Variants in SLC25A25 observed in about 807,000 individuals in gnomAD.
SLC25A25 encodes the protein solute carrier family 25 member 25, also known as mitochondrial adenyl nucleotide antiporter SLC25A25.
Under a neutral mutation model 57.7 loss-of-function variants are expected in SLC25A25, and 32 were observed. The observed-to-expected ratio is 0.55, with a 90% CI of 0.42 to 0.74. SLC25A25 has a LOEUF of 0.74. SLC25A25 is among the 30% of genes least tolerant of loss of function. The pLI, the probability that SLC25A25 is intolerant of heterozygous loss-of-function variation, is 0.00. For synonymous variants in SLC25A25, 306 were observed against 291.2 expected (o/e 1.05, Z -0.52); for missense variants, 556 against 701.3 (o/e 0.79, Z 2.34).
In SLC25A25 at chr9:128,107,312, C is replaced by G; in HGVS notation, c.1416C>G (p.Ile472Met). 1 of 1,558,956 alleles carries G rather than the reference C, an allele frequency of 6.4e-7. No individual in the cohort carries two copies. The highest frequency in any genetic ancestry group is 8.7e-7 in the Non-Finnish European group (1 of 1,147,858). Residue 472 changes from isoleucine (I) to methionine (M), a missense_variant, in exon 11 of 11, where the codon ATC becomes ATG. This residue lies in a region of SLC25A25 where 294 missense variants were observed against 389.6 expected (regional missense o/e 0.75). Transcript: ENST00000373069. ...CCATGAGCAGCCTCTTCAAACATAT[C>G]CTGCGGACCGAGGGGGCCTTCGGGC... is the stretch of plus-strand genomic sequence containing the variant. ...EVTMSSLFKH[I>M]LRTEGAFGLY... is the part of the protein sequence containing the mutation.
intron 1 of SLC25A25, chr9:128,098,634 C>G (rs377289085): frequency 1.9e-6 from 3 of 1,614,114 alleles, no homozygotes; most frequent in Non-Finnish European, 2.5e-6. Context: ...TACTTTGAGT[C>G]GAAGGGGCTC....
intron 6 of SLC25A25, among the ~76,000 whole-genome samples, chr9:128,104,859 AT>A (rs1380527883): frequency 5.5e-5 from 7 of 128,116 alleles, no homozygotes; most frequent in Non-Finnish European, 1.0e-4. Context: ...TATTATTATT[AT>A]TATTATTATA....
At chr9:128,070,965 AAAAAAAAAGAAAG>A (rs1832895014) in intron 1 of SLC25A25, among the ~76,000 whole-genome samples, 1 of 145,786 alleles carries the variant, frequency 6.9e-6, no homozygotes, top group African/African-American at 2.4e-5. Flanking sequence ...AAAAAAAAAA[AAAAAAAAAGAAAG>A]AAAGAAAAGA....
chr9:128,087,547 G>A (rs1833305826), intron 1 of SLC25A25, among the ~76,000 whole-genome samples: 4 of 152,098 alleles, frequency 2.6e-5, no homozygotes, highest in Non-Finnish European at 2.9e-5. Context: ...TCGTTTTTTC[G>A]ATGTTTCTTG....
In SLC25A25 at chr9:128,102,608, C is replaced by T. The variant is rs1451836365; in HGVS notation, c.624+127C>T. On this transcript the variant is annotated intron_variant, in intron 5 of 10. Coordinates refer to ENST00000373069, the MANE Select transcript of SLC25A25 (RefSeq NM_001330988.2). The surrounding 1 kb of genome is among the most constrained non-coding windows in gnomAD (Gnocchi z 4.1). ...ACCTCCTCTTCCACAGGAGACTGTC[C>T]CCTCTTCTGCCAGCCCAGTAGAGCT... 8 of 697,386 alleles carry T rather than the reference C, an allele frequency of 1.1e-5. No individual in the cohort carries two copies. In the East Asian group the frequency reaches 2.2e-4, roughly 19 times the overall value. 43.2% of individuals were successfully genotyped at this position (697,386 alleles called of 1,614,324 possible).
At position 128,068,282 on chromosome 9, in the gene SLC25A25, C is replaced by A. The variant is rs774409556; in HGVS notation, c.-38C>A. 4 of 1,224,156 alleles carry A rather than the reference C, an allele frequency of 3.3e-6. No individual in the cohort carries two copies. The highest frequency in any genetic ancestry group is 3.2e-5 in the African/African-American group (2 of 62,958). The allele number at this position is 1,224,156 out of a possible 1,614,324, so 75.8% of individuals were successfully genotyped here. A position where few individuals can be genotyped will look rare whatever the true frequency, so the allele number is the denominator to read the frequency against. ...GCGGTCACCGCCGGCCCGCCGCCCC[C>A]GCTCCCGCCCGCGCCCGGAGCCCCT... is the stretch of plus-strand genomic sequence containing the variant. On this transcript the variant is annotated 5_prime_UTR_variant, in exon 1 of 11. Transcript: ENST00000373069.
chr9:128,097,883 G>A (rs1029810691), intron 1 of SLC25A25, among the ~76,000 whole-genome samples: 1 of 152,246 alleles, frequency 6.6e-6, no homozygotes, highest in Non-Finnish European at 1.5e-5. Flanking sequence ...GTGGAGGGCT[G>A]CAGGTTCCCT....
At position 128,107,327 on chromosome 9, in the gene SLC25A25, G is replaced by A; in HGVS notation, c.1431G>A (p.Gly477=). Reference sequence around the variant, plus strand: ...TCAAACATATCCTGCGGACCGAGGGGGCCTTCGGGCTGTACAGGGGGCTGG... The same window carrying A: ...TCAAACATATCCTGCGGACCGAGGGAGCCTTCGGGCTGTACAGGGGGCTGG... ...SLFKHILRTE[G]AFGLYRGLAP... Residue 477 remains glycine (G), a synonymous_variant, in exon 11 of 11, where the codon GGG becomes GGA. Transcript: ENST00000373069. The A allele has an allele frequency of 6.5e-7, 1 of 1,546,780 alleles. No homozygotes were observed. Among genetic ancestry groups the A allele is most frequent in the Non-Finnish European group, 8.8e-7 (1 of 1,142,228 alleles).
intron 1 of SLC25A25, chr9:128,098,549 A>C: frequency 6.2e-7 from 1 of 1,606,642 alleles, no homozygotes; most frequent in Non-Finnish European, 8.5e-7. Flanking sequence ...GCAGTGGAGC[A>C]CCCAGCAGGC....
In SLC25A25 at chr9:128,101,316, T is replaced by C. The variant is rs938218396; in HGVS notation, c.396T>C (p.Ile132=). ...KSLDKKNDGR[I]DAQEIMQSLR... ...CGGCCTCTGTTCTTGCAGGACGCAT[T>C]GACGCGCAGGAGATCATGCAGTCCC... is the stretch of plus-strand genomic sequence containing the variant. Residue 132 remains isoleucine, a synonymous_variant, in exon 3 of 11, where the codon ATT becomes ATC. Transcript: ENST00000373069. The surrounding 1 kb of genome is among the most constrained non-coding windows in gnomAD (Gnocchi z 4.9). The C allele has an allele frequency of 1.9e-6, 3 of 1,614,162 alleles. No homozygotes were observed. The highest frequency in any genetic ancestry group is 1.3e-5 in the African/African-American group (1 of 74,954).
At chr9:128,071,155 G>A (rs1026810415) in intron 1 of SLC25A25, among the ~76,000 whole-genome samples, 1 of 152,108 alleles carries the variant, frequency 6.6e-6, no homozygotes, top group Admixed American at 6.5e-5. Flanking sequence ...GAGATTCAAG[G>A]CACATCTGAT....
In SLC25A25 at chr9:128,105,973, TG is replaced by T. The variant is rs1286648375; in HGVS notation, c.936+94del. On this transcript the variant is annotated intron_variant, in intron 7 of 10. Transcript: ENST00000373069. ...TCCCTGGGCTGAGCTCCCTGACACT[TG>T]GAGCCAGCCGTGGTACCCCAGGGAC... is the stretch of plus-strand genomic sequence containing the variant. The T allele has an allele frequency of 3.2e-6, 5 of 1,560,932 alleles. No individual in the cohort carries two copies. In the African/African-American group the frequency reaches 6.8e-5, roughly 21 times the overall value.
intron 1 of SLC25A25, among the ~76,000 whole-genome samples, chr9:128,074,561 T>G (rs1456980523): frequency 3.3e-5 from 5 of 150,806 alleles, no homozygotes; most frequent in Non-Finnish European, 7.4e-5. Context: ...ATACAAAAAT[T>G]AGCCGGGCGT....
chr9:128,099,453 G>C lies in SLC25A25; in HGVS notation c.262-1643G>C. On this transcript the variant is annotated intron_variant, in intron 1 of 10. Coordinates refer to ENST00000373069, the MANE Select transcript of SLC25A25 (RefSeq NM_001330988.2). The surrounding 1 kb of genome is among the most constrained non-coding windows in gnomAD (Gnocchi z 6.8). ...CCCAGGGAGGCATGTGGCTCACCCT[G>C]GCAGCAGGCGGCTGGGTCCCAGAGG... is the stretch of plus-strand genomic sequence containing the variant. 1.8e-6 allele frequency: 2 copies of C among 1,130,268 alleles called. No homozygotes were observed. The highest frequency in any genetic ancestry group is 3.3e-5 in the South Asian group (2 of 59,946). The allele number at this position is 1,130,268 out of a possible 1,614,324, so 70.0% of individuals were successfully genotyped here.
At chr9:128,089,739 C>T (rs945695279) in intron 1 of SLC25A25, among the ~76,000 whole-genome samples, 3 of 151,538 alleles carry the variant, frequency 2.0e-5, no homozygotes, top group African/African-American at 7.3e-5. Flanking sequence ...CTCAAGTGAT[C>T]CTCCCACCTC....
Position 128,107,687 on chromosome 9 carries a change from C to G in SLC25A25, c.*243C>G, listed in dbSNP as rs1834110487. The G allele has an allele frequency of 2.3e-6, 1 of 437,818 alleles. No individual in the cohort carries two copies. Among genetic ancestry groups the G allele is most frequent in the East Asian group, 3.3e-5 (1 of 30,134 alleles). The allele number at this position is 437,818 out of a possible 1,614,324, so 27.1% of individuals were successfully genotyped here. On this transcript the variant is annotated 3_prime_UTR_variant, in exon 11 of 11. Coordinates refer to ENST00000373069, the MANE Select transcript of SLC25A25 (RefSeq NM_001330988.2). ...GGCATTCCTTAGGGTCCAGGGTCAG[C>G]AGGCTCCGGGCTCACATGTGTAAGG...
intron 1 of SLC25A25, among the ~76,000 whole-genome samples, chr9:128,069,731 A>G (rs1337245573): frequency 1.3e-5 from 2 of 152,162 alleles, no homozygotes; most frequent in African/African-American, 2.4e-5. Context: ...GGTTAAGTCC[A>G]GGAGATTTAG....
rs1188263916 is a variant in SLC25A25, at chr9:128,107,526, GCCAACA to G, written c.*84_*89del. On this transcript the variant is annotated 3_prime_UTR_variant, in exon 11 of 11. Transcript: ENST00000373069. ...TGCAGCCATCTCATTCTGTGAATGT[GCCAACA>G]CTAAGCTGTCTCGAGCCAAGCTGTG... is the stretch of plus-strand genomic sequence containing the variant. 6.9e-7 allele frequency: 1 copy of G among 1,451,902 alleles called. No individual in the cohort carries two copies. Among genetic ancestry groups the G allele is most frequent in the African/African-American group, 1.4e-5 (1 of 70,624 alleles). 89.9% of individuals were successfully genotyped at this position (1,451,902 alleles called of 1,614,324 possible).
chr9:128,093,324 G>T (rs1340248360), intron 1 of SLC25A25, among the ~76,000 whole-genome samples: 1 of 152,242 alleles, frequency 6.6e-6, no homozygotes, highest in African/African-American at 2.4e-5. Flanking sequence ...GATTGGAATG[G>T]CTGTGGCACT....
Sources: allele counts gnomAD v4.1 joint callset (sites outside exome capture counted in the v4.1 genomes callset), GRCh38; gene constraint gnomAD v4.1.1; regional missense constraint gnomAD v4.1.1; non-coding constraint Gnocchi (gnomAD v3.1); transcripts MANE v1.5; gene names NCBI Gene and HGNC (gene_info 2026-07-23, HGNC 2026-07-21).